Variants in LTN1 observed in about 807,000 individuals in gnomAD.
LTN1 encodes E3 ubiquitin-protein ligase listerin.
In LTN1, 88 loss-of-function variants were observed where a neutral mutation model predicts 201.2. The ratio of observed to expected loss-of-function variants is 0.44; its 90% CI spans 0.37 to 0.52. LTN1 has a LOEUF of 0.52. LTN1 is among the 20% of genes least tolerant of loss of function. The probability of loss-of-function intolerance (pLI) is 0.00; values close to 1 mark genes in which losing one functional copy is unlikely to be tolerated. For missense variants in LTN1, 1,752 were observed against 2,038.7 expected (o/e 0.86, Z 2.71); for synonymous variants, 645 against 713.5 (o/e 0.90, Z 1.53).
intron 11 of LTN1, among the ~76,000 whole-genome samples, chr21:28,962,520 C>G (rs2084487461): frequency 6.6e-6 from 1 of 152,156 alleles, no homozygotes; most frequent in African/African-American, 2.4e-5. Context: ...CAAACTTAAT[C>G]AACAAATATT....
chr21:28,984,286 T>C (rs2084680305), intron 4 of LTN1, among the ~76,000 whole-genome samples: 1 of 152,020 alleles, frequency 6.6e-6, no homozygotes, highest in East Asian at 1.9e-4. Context: ...AGTACATCCA[T>C]GTATAGTAAT....
At chr21:28,957,796 T>C (rs2084438861) in intron 14 of LTN1, among the ~76,000 whole-genome samples, 1 of 152,156 alleles carries the variant, frequency 6.6e-6, no homozygotes, top group South Asian at 2.1e-4. Flanking sequence ...AAACCCAATA[T>C]CCTCTAAATG....
At chr21:28,989,164 C>T (rs2084725628) in intron 1 of LTN1, among the ~76,000 whole-genome samples, 1 of 151,962 alleles carries the variant, frequency 6.6e-6, no homozygotes, top group African/African-American at 2.4e-5. Flanking sequence ...TTTAGGGTAT[C>T]AGAATTTTCT....
chr21:28,975,853 T>C (rs1568854549), intron 6 of LTN1, among the ~76,000 whole-genome samples: 1 of 152,220 alleles, frequency 6.6e-6, no homozygotes, highest in African/African-American at 2.4e-5. Flanking sequence ...TTCCTCTCCT[T>C]ACTCAAGAAA....
chr21:28,988,001 G>A (rs1480169106), intron 1 of LTN1, among the ~76,000 whole-genome samples: 1 of 152,030 alleles, frequency 6.6e-6, no homozygotes, highest in African/African-American at 2.4e-5. Context: ...AAATTAACTG[G>A]GCGTGGTGGC....
chr21:28,965,713 C>T, intron 11 of LTN1, 152 bp downstream of exon 11: 1 of 531,384 alleles, frequency 1.9e-6, no homozygotes. Flanking sequence ...AATATCTTCC[C>T]ACATTATAGG....
chr21:28,962,520 C>T (rs2084487461), intron 11 of LTN1, among the ~76,000 whole-genome samples: 1 of 152,156 alleles, frequency 6.6e-6, no homozygotes, highest in Non-Finnish European at 1.5e-5. Context: ...CAAACTTAAT[C>T]AACAAATATT....
Position 28,956,963 on chromosome 21 carries a change from C to T in LTN1, c.2893-15G>A, listed in dbSNP as rs774039582. On this transcript the variant is annotated splice_polypyrimidine_tract_variant and intron_variant, in intron 15 of 29. Transcript: ENST00000361371. ...CTATGTAACCACTGTGAAAAGAATA[C>T]GTTATATACAAAATTATTTATTACC... 15 of 1,467,200 alleles carry T rather than the reference C, an allele frequency of 1.0e-5. No individual in the cohort carries two copies. The highest frequency in any genetic ancestry group is 2.7e-5 in the South Asian group (2 of 75,278). 90.9% of individuals were successfully genotyped at this position (1,467,200 alleles called of 1,614,324 possible). A position where few individuals can be genotyped will look rare whatever the true frequency, so the allele number is the denominator to read the frequency against.
chr21:28,988,940 G>C (rs1227514167), intron 1 of LTN1, among the ~76,000 whole-genome samples: 3 of 151,216 alleles, frequency 2.0e-5, no homozygotes, highest in Non-Finnish European at 4.4e-5. Context: ...ACTCCAGCCT[G>C]GGCAAAAAGA....
Position 28,952,200 on chromosome 21 carries a change from A to G in LTN1, c.3304T>C (p.Ser1102Pro), listed in dbSNP as rs2084388093. 1 of 1,610,258 alleles carries G rather than the reference A, an allele frequency of 6.2e-7. No homozygotes were observed. Among genetic ancestry groups the G allele is most frequent in the South Asian group, 1.1e-5 (1 of 90,358 alleles). Residue 1102 changes from serine (S) to proline (P), a missense_variant, in exon 18 of 30, where the codon TCA becomes CCA. Ser to Pro is a moderately conservative substitution (Grantham distance 74, BLOSUM62 -1). Transcript: ENST00000361371. ...IAKLILSRSI[S>P]SDEVKPHYKR... ...TAATGTGGTTTTACTTCATCAGATGAAATGCTTCGGGAAAGGATCAACTTA... is the reference window on the plus strand; with the variant it reads ...TAATGTGGTTTTACTTCATCAGATGGAATGCTTCGGGAAAGGATCAACTTA...
chr21:28,968,971 A>G (rs2084549724), intron 9 of LTN1, among the ~76,000 whole-genome samples: 1 of 151,058 alleles, frequency 6.6e-6, no homozygotes, highest in Non-Finnish European at 1.5e-5. Flanking sequence ...CTGTAATCCC[A>G]GCACTTTGTG....
intron 8 of LTN1, among the ~76,000 whole-genome samples, chr21:28,970,163 AGTT>A (rs2084561818): frequency 6.6e-6 from 1 of 152,224 alleles, no homozygotes; most frequent in African/African-American, 2.4e-5. Context: ...TAGTAGTTAA[AGTT>A]GTTGATGTTT....
chr21:28,942,100 TTC>T (rs1253153210), intron 24 of LTN1, among the ~76,000 whole-genome samples: 1 of 152,206 alleles, frequency 6.6e-6, no homozygotes, highest in Non-Finnish European at 1.5e-5. Context: ...CTCCTTTCAC[TTC>T]TGTGATCGTT....
chr21:28,945,573 G>A (rs1173183766), intron 21 of LTN1, among the ~76,000 whole-genome samples: 2 of 152,162 alleles, frequency 1.3e-5, no homozygotes, highest in Non-Finnish European at 2.9e-5. Context: ...TAATGGAGAA[G>A]GCATTTTAAT....
intron 6 of LTN1, among the ~76,000 whole-genome samples, chr21:28,980,810 GGAGA>G (rs1350652096): frequency 6.6e-6 from 1 of 152,054 alleles, no homozygotes; most frequent in African/African-American, 2.4e-5. Context: ...AGTAGAGAAT[GGAGA>G]GATAGACAAA....
At chr21:28,946,370 A>G (rs1030286842) in intron 19 of LTN1, 83 bp from the exon 20 acceptor site, 153 of 883,124 alleles carry the variant, frequency 1.7e-4, no homozygotes, top group Non-Finnish European at 2.4e-4. Context: ...TTGAGAAGTA[A>G]AAGACTTTCT....
At chr21:28,932,357 T>A (rs1601158460) in intron 28 of LTN1, 113 bp downstream of exon 28, 1 of 867,566 alleles carries the variant, frequency 1.2e-6, no homozygotes, top group East Asian at 2.4e-5. Flanking sequence ...TCCAAGGAAG[T>A]TTAATATCTA....
At chr21:28,991,487 C>T (rs1344704924) in intron 1 of LTN1, among the ~76,000 whole-genome samples, 2 of 151,968 alleles carry the variant, frequency 1.3e-5, no homozygotes, top group South Asian at 2.1e-4. Flanking sequence ...TTAAGAGTCC[C>T]GACTTCTGCA....
intron 25 of LTN1, among the ~76,000 whole-genome samples, chr21:28,937,837 CT>C (rs2084268161): frequency 6.6e-6 from 1 of 152,086 alleles, no homozygotes; most frequent in Non-Finnish European, 1.5e-5. Context: ...AGAAACACTA[CT>C]GGTCCCAGGC....
Sources: gnomAD v4.1 joint callset for allele counts (sites outside exome capture counted in the v4.1 genomes callset) on GRCh38, gnomAD v4.1.1 for gene constraint, MANE v1.5 for transcripts, NCBI Gene and HGNC (gene_info 2026-07-23, HGNC 2026-07-21) for gene names.